Variants in FAR2 observed in about 807,000 individuals in gnomAD.
The protein encoded by FAR2 is fatty acyl-CoA reductase 2.
In FAR2, 19 loss-of-function variants were observed where a neutral mutation model predicts 56.0. The ratio of observed to expected loss-of-function variants is 0.34; its 90% confidence interval spans 0.24 to 0.50. FAR2 has a LOEUF of 0.50. Ranked by LOEUF, FAR2 falls within the 20% of genes least tolerant of loss-of-function variation. FAR2 has a pLI of 0.98. For synonymous variants in FAR2, 219 were observed against 218.8 expected, an observed-to-expected ratio of 1.00 and a Z score of -0.01; for missense variants, 508 against 642.2, an observed-to-expected ratio of 0.79 and a Z score of 2.26.
At chr12:29,321,750 G>A in intron 9 of FAR2, 45 bp from the exon 10 acceptor site, 1 of 1,601,386 alleles carries the variant, frequency 6.2e-7, no homozygotes, top group Non-Finnish European at 8.5e-7. Context: ...AGAGTGACAG[G>A]GAAGTGGTGC....
intron 9 of FAR2, 70 bp from the exon 10 acceptor site, chr12:29,321,725 C>A: frequency 1.3e-6 from 2 of 1,496,494 alleles, no homozygotes; most frequent in East Asian, 2.4e-5. Context: ...AAAATAATTT[C>A]TCATACATCC....
At chr12:29,255,545 A>C (rs1407781761) in intron 1 of FAR2, among the ~76,000 whole-genome samples, 1 of 152,254 alleles carries the variant, frequency 6.6e-6, no homozygotes, top group East Asian at 1.9e-4. Context: ...ATGTTTTGCA[A>C]ATTTTTTTAT....
chr12:29,243,378 G>A (rs1173148522), intron 1 of FAR2, among the ~76,000 whole-genome samples: 3 of 152,178 alleles, frequency 2.0e-5, no homozygotes, highest in African/African-American at 7.2e-5. Context: ...TACAGATAAG[G>A]GGTTGGTTTC....
At chr12:29,204,999 A>G (rs887873546) in intron 1 of FAR2, among the ~76,000 whole-genome samples, 1 of 152,222 alleles carries the variant, frequency 6.6e-6, no homozygotes, top group Non-Finnish European at 1.5e-5. Flanking sequence ...ATCAAGCTCT[A>G]TACCTGCTCA....
chr12:29,187,620 G>A (rs1010530056), intron 1 of FAR2, among the ~76,000 whole-genome samples: 3 of 152,036 alleles, frequency 2.0e-5, no homozygotes, highest in Non-Finnish European at 4.4e-5. Context: ...ATACCTTTGT[G>A]CCCTAAAAAG....
At position 29,157,220 on chromosome 12, in the gene FAR2, G is replaced by A. The variant is rs1035804889; in HGVS notation, c.-39+7813G>A. Among the ~76,000 whole-genome samples the A allele has an allele frequency of 2.1e-5, 3 of 143,886 alleles. No homozygotes were observed. In the Admixed American group the frequency reaches 2.2e-4, roughly 10 times the overall value. The allele number at this position is 143,886 out of a possible 152,430, so 94.4% of individuals were successfully genotyped here. ...AATGTGGTTAAACAATGAAAAAAAA[G>A]CCTTACTGTAATTGCCAGACACTAA... On this transcript the variant is annotated intron_variant, in intron 1 of 11. Coordinates refer to ENST00000536681, the MANE Select transcript of FAR2 (RefSeq NM_001271783.2).
chr12:29,168,027 C>A (rs1197627728), intron 1 of FAR2, among the ~76,000 whole-genome samples: 2 of 152,136 alleles, frequency 1.3e-5, no homozygotes, highest in African/African-American at 4.8e-5. Flanking sequence ...AATGTGCATA[C>A]CCTCATAGAT....
intron 1 of FAR2, among the ~76,000 whole-genome samples, chr12:29,231,174 G>C (rs1044885776): frequency 6.6e-6 from 1 of 152,182 alleles, no homozygotes; most frequent in African/African-American, 2.4e-5. Flanking sequence ...ATAGGAGTAA[G>C]AGTGGATGCA....
intron 2 of FAR2, 149 bp from the exon 3 acceptor site, chr12:29,293,151 G>T: frequency 1.7e-6 from 1 of 599,188 alleles, no homozygotes; most frequent in Non-Finnish European, 2.6e-6. Flanking sequence ...ACAGGCATAT[G>T]CCACCATGCC....
At chr12:29,277,821 T>C (rs1948724261) in intron 2 of FAR2, 1 of 152,166 alleles carries the variant, frequency 6.6e-6, no homozygotes, top group East Asian at 1.9e-4. Flanking sequence ...ATGCCTTTGC[T>C]GCAAAATGAG....
chr12:29,256,133 G>C (rs1024743996), intron 1 of FAR2, among the ~76,000 whole-genome samples: 17 of 151,846 alleles, frequency 1.1e-4, no homozygotes, highest in African/African-American at 3.9e-4. Flanking sequence ...CGGCCTCCCA[G>C]AGTGCTAGGA....
intron 8 of FAR2, among the ~76,000 whole-genome samples, chr12:29,314,827 G>C (rs781408318): frequency 6.6e-6 from 1 of 152,026 alleles, no homozygotes; most frequent in Non-Finnish European, 1.5e-5. Context: ...ACAATGCCTA[G>C]CAAGTGTTAA....
chr12:29,197,876 G>T (rs2136613149), intron 1 of FAR2, among the ~76,000 whole-genome samples: 1 of 152,164 alleles, frequency 6.6e-6, no homozygotes, highest in Non-Finnish European at 1.5e-5. Context: ...TCAAGAAAAA[G>T]CAAAATCTCA....
At chr12:29,217,227 G>A (rs936015726) in intron 1 of FAR2, among the ~76,000 whole-genome samples, 1 of 152,190 alleles carries the variant, frequency 6.6e-6, no homozygotes, top group Non-Finnish European at 1.5e-5. Context: ...ATGGGTGAAT[G>A]CTAGAGGTCA....
chr12:29,300,009 T>C (rs1054598077), intron 4 of FAR2, among the ~76,000 whole-genome samples: 1 of 152,224 alleles, frequency 6.6e-6, no homozygotes, highest in Non-Finnish European at 1.5e-5. Flanking sequence ...ACAATGAGCT[T>C]CTCAACAGAA....
chr12:29,267,152 T>C (rs12816511), intron 1 of FAR2, among the ~76,000 whole-genome samples: 20,722 of 152,192 alleles, frequency 0.14, 1,544 homozygotes, highest in Middle Eastern at 0.28. Context: ...GCTGTTATGA[T>C]TTATTGAGTG....
intron 1 of FAR2, among the ~76,000 whole-genome samples, chr12:29,239,256 A>C (rs1178111848): frequency 6.6e-6 from 1 of 152,146 alleles, no homozygotes; most frequent in African/African-American, 2.4e-5. Context: ...TTCCTTAGCA[A>C]ACTAAACAAA....
chr12:29,272,652 T>C (rs1217319987), intron 2 of FAR2, among the ~76,000 whole-genome samples: 2 of 152,210 alleles, frequency 1.3e-5, no homozygotes, highest in Non-Finnish European at 2.9e-5. Context: ...CATCTGATCC[T>C]CCGTCCAGTT....
chr12:29,333,588 G>T (rs1340253308), intron 11 of FAR2, 44 bp from the exon 12 acceptor site: 1 of 1,549,784 alleles, frequency 6.5e-7, no homozygotes, highest in Admixed American at 1.7e-5. Context: ...ATGTGGTTGG[G>T]TATCTGGTAG....
Sources: allele counts gnomAD v4.1 joint callset (sites outside exome capture counted in the v4.1 genomes callset), GRCh38; gene constraint gnomAD v4.1.1; transcripts MANE v1.5; gene names NCBI Gene and HGNC (gene_info 2026-07-23, HGNC 2026-07-21).